COX10: variants seen among roughly 807,000 people sequenced by gnomAD.
The protein encoded by COX10 is protoheme IX farnesyltransferase, mitochondrial.
A neutral mutation model predicts 37.3 loss-of-function variants in COX10; 27 were observed. The ratio of observed to expected loss-of-function variants is 0.72; its 90% confidence interval spans 0.53 to 1.00. The LOEUF (loss-of-function observed/expected upper bound fraction) is 1.00, where lower values mean the gene tolerates loss of function less well. COX10 is among the 50% of genes least tolerant of loss of function. The pLI is 0.00. For missense variants in COX10, 475 were observed against 563.2 expected (o/e 0.84, Z 1.59); for synonymous variants, 222 against 229.1 (o/e 0.97, Z 0.28).
chr17:14,099,022 C>T (rs1299173611), intron 3 of COX10, among the ~76,000 whole-genome samples: 1 of 152,132 alleles, frequency 6.6e-6, no homozygotes, highest in Non-Finnish European at 1.5e-5. Context: ...CTACCTTTCT[C>T]CTGAATGTGT....
chr17:14,163,236 AATTTATTTATTT>A (rs56320518), intron 5 of COX10, among the ~76,000 whole-genome samples: 18 of 146,462 alleles, frequency 1.2e-4, no homozygotes, highest in African/African-American at 3.6e-4. Context: ...AAGACAGGAA[AATTTATTTATTT>A]ATTTATTTAT....
Position 14,092,116 on chromosome 17 carries a change from GA to G in COX10, c.500-9998del, listed in dbSNP as rs1915541188. Among the ~76,000 whole-genome samples, 3 of 152,220 alleles carry G rather than the reference GA, an allele frequency of 2.0e-5. No individual in the cohort carries two copies. The South Asian group carries it at 6.2e-4, about 32-fold the overall frequency. Reference sequence around the variant, plus strand: ...AGGTAGAAAAGCTCTTTGGTTCAAGGAAAAGCGATAATTGAAAGAACAAGCT... The same window carrying G: ...AGGTAGAAAAGCTCTTTGGTTCAAGGAAAGCGATAATTGAAAGAACAAGCT... On this transcript the variant is annotated intron_variant, in intron 3 of 6. Coordinates refer to ENST00000261643, the MANE Select transcript of COX10 (RefSeq NM_001303.4).
In COX10 at chr17:14,180,018, C is replaced by G. The variant is rs555685597; in HGVS notation, c.696-11971C>G. The stretch of plus-strand genomic sequence containing the variant: ...TATTAACTTAAAGAACAGGGTTTAG[C>G]TTAAGTATTATAGGGCTTTACAGGA... On this transcript the variant is annotated intron_variant, in intron 5 of 6. Transcript: ENST00000261643. Among the ~76,000 whole-genome samples, 73 of 152,276 alleles carry G rather than the reference C, an allele frequency of 4.8e-4. No homozygotes were observed. The East Asian group carries it at 0.011, about 22-fold the overall frequency.
At chr17:14,155,702 G>A (rs1280060459) in intron 4 of COX10, among the ~76,000 whole-genome samples, 7 of 149,956 alleles carry the variant, frequency 4.7e-5, no homozygotes, top group Non-Finnish European at 8.9e-5. Context: ...GCGATAGAGT[G>A]AGACTCCATC....
rs748631577 is a variant in COX10 at position 14,192,019 on chromosome 17, T to C, written c.726T>C (p.Cys242=). 1 of 1,614,232 alleles carries C rather than the reference T, an allele frequency of 6.2e-7. No homozygotes were observed. The highest frequency in any genetic ancestry group is 8.5e-7 in the Non-Finnish European group (1 of 1,180,046). Residue 242 remains cysteine, a synonymous_variant, in exon 6 of 7, where the codon TGT becomes TGC. Coordinates refer to ENST00000261643, the MANE Select transcript of COX10 (RefSeq NM_001303.4). ...TGCTAGCTGTGTCCTTTGCCACTTG[T>C]TGTGCTGTTCCGGGAGTTGCCATTC... ...SPLLAVSFAT[C]CAVPGVAILT...
chr17:14,114,941 G>T (rs1378581496), intron 4 of COX10, among the ~76,000 whole-genome samples: 2 of 151,990 alleles, frequency 1.3e-5, no homozygotes, highest in Non-Finnish European at 2.9e-5. Context: ...CTAACTCCTT[G>T]TATATGGCTC....
intron 4 of COX10, among the ~76,000 whole-genome samples, chr17:14,119,718 G>A (rs1916189685): frequency 6.6e-6 from 1 of 152,274 alleles, no homozygotes; most frequent in South Asian, 2.1e-4. Flanking sequence ...ATGACAAGAG[G>A]AAGCGTGGTT....
intron 4 of COX10, among the ~76,000 whole-genome samples, chr17:14,106,165 C>T (rs765674177): frequency 6.6e-5 from 10 of 151,830 alleles, no homozygotes; most frequent in Non-Finnish European, 1.0e-4. Flanking sequence ...TATAGGCGCC[C>T]GCCACCGTGC....
chr17:14,093,817 T>C (rs1915581722), intron 3 of COX10, among the ~76,000 whole-genome samples: 3 of 152,210 alleles, frequency 2.0e-5, no homozygotes, highest in Admixed American at 2.0e-4. Flanking sequence ...GCTAGGTGAT[T>C]GTGTGTTTGT....
At chr17:14,167,427 A>T (rs1905323793) in intron 5 of COX10, among the ~76,000 whole-genome samples, 1 of 152,256 alleles carries the variant, frequency 6.6e-6, no homozygotes, top group South Asian at 2.1e-4. Flanking sequence ...CAATTTTGAA[A>T]GAAGTTCTAC....
intron 5 of COX10, among the ~76,000 whole-genome samples, chr17:14,169,839 G>A (rs949154832): frequency 2.0e-5 from 3 of 152,202 alleles, no homozygotes; most frequent in Non-Finnish European, 1.5e-5. Flanking sequence ...TAATGTTTTG[G>A]TGTTGGGAGG....
At chr17:14,080,941 A>G (rs568530557) in intron 3 of COX10, among the ~76,000 whole-genome samples, 2 of 151,874 alleles carry the variant, frequency 1.3e-5, no homozygotes, top group South Asian at 2.1e-4. Context: ...TTTTCCTCTG[A>G]TGCTTTTATG....
chr17:14,142,970 C>T (rs772910030), intron 4 of COX10, among the ~76,000 whole-genome samples: 2 of 152,132 alleles, frequency 1.3e-5, no homozygotes, highest in Admixed American at 6.6e-5. Flanking sequence ...ATGTCTTACC[C>T]TGCTATAAGA....
intron 6 of COX10, among the ~76,000 whole-genome samples, chr17:14,205,665 T>G (rs1210600742): frequency 6.6e-6 from 1 of 152,202 alleles, no homozygotes; most frequent in African/African-American, 2.4e-5. Context: ...TGCCTGTCCT[T>G]AGGTGGCTTC....
At chr17:14,113,767 A>G (rs1186183251) in intron 4 of COX10, among the ~76,000 whole-genome samples, 1 of 152,186 alleles carries the variant, frequency 6.6e-6, no homozygotes, top group African/African-American at 2.4e-5. Context: ...TGGTAATTGC[A>G]AATGTGTTTA....
intron 5 of COX10, among the ~76,000 whole-genome samples, chr17:14,167,688 G>A (rs1162350551): frequency 2.0e-5 from 3 of 152,194 alleles, no homozygotes; most frequent in African/African-American, 4.8e-5. Context: ...GGTAGCAGGA[G>A]AGAGAAACAG....
At chr17:14,161,232 A>C (rs931374564) in intron 5 of COX10, among the ~76,000 whole-genome samples, 1 of 152,164 alleles carries the variant, frequency 6.6e-6, no homozygotes, top group Non-Finnish European at 1.5e-5. Flanking sequence ...CTGTCCTTTT[A>C]AAGGGGGTTT....
chr17:14,125,965 C>A (rs1179948414), intron 4 of COX10, among the ~76,000 whole-genome samples: 1 of 152,142 alleles, frequency 6.6e-6, no homozygotes, highest in Non-Finnish European at 1.5e-5. Context: ...GAGCCAAAGC[C>A]ATCAGACAAC....
intron 4 of COX10, among the ~76,000 whole-genome samples, chr17:14,134,968 T>C (rs1178176039): frequency 4.6e-5 from 7 of 151,696 alleles, no homozygotes; most frequent in Non-Finnish European, 1.0e-4. Context: ...TTTGAGTCTG[T>C]CTAAATGGCC....
Sources: gnomAD v4.1 joint callset for allele counts (sites outside exome capture counted in the v4.1 genomes callset) on GRCh38, gnomAD v4.1.1 for gene constraint, MANE v1.5 for transcripts, NCBI Gene and HGNC (gene_info 2026-07-23, HGNC 2026-07-21) for gene names.